PTPRT: variants seen among roughly 807,000 people sequenced by gnomAD.
PTPRT encodes receptor-type tyrosine-protein phosphatase T.
Under a neutral mutation model 176.8 loss-of-function variants are expected in PTPRT, and 56 were observed. The ratio of observed to expected loss-of-function variants is 0.32; its 90% CI spans 0.26 to 0.40. The LOEUF is 0.40. Among genes scored for constraint, PTPRT ranks in the 10% least tolerant of loss-of-function variants. PTPRT has a pLI of 1.00. For synonymous variants in PTPRT, 783 were observed against 739.0 expected, an observed-to-expected ratio of 1.06 and a Z score of -0.96; for missense variants, 1,540 against 1,908.2, an observed-to-expected ratio of 0.81 and a Z score of 3.60.
chr20:42,511,995 T>C (rs2071967289), intron 7 of PTPRT, among the ~76,000 whole-genome samples: 2 of 152,162 alleles, frequency 1.3e-5, no homozygotes, highest in African/African-American at 4.8e-5. Context: ...AAAGGTTCTA[T>C]TCCTCCCTCT....
intron 8 of PTPRT, among the ~76,000 whole-genome samples, chr20:42,464,066 C>T (rs941177996): frequency 5.9e-5 from 9 of 152,222 alleles, no homozygotes; most frequent in East Asian, 1.9e-4. Flanking sequence ...TTTGAAGCAA[C>T]GAATGTGGTA....
At chr20:42,163,376 T>C (rs1241884564) in intron 16 of PTPRT, among the ~76,000 whole-genome samples, 2 of 152,186 alleles carry the variant, frequency 1.3e-5, no homozygotes, top group African/African-American at 4.8e-5. Flanking sequence ...CCTAGGCAAG[T>C]CGTTAGCAAA....
chr20:42,044,695 C>T, the PTPRT span, among the ~76,000 whole-genome samples: 1 of 152,202 alleles, frequency 6.6e-6, no homozygotes, highest in African/African-American at 2.4e-5. Flanking sequence ...CTCACTTAAT[C>T]CTCAGAAGAA....
chr20:42,300,365 C>G (rs2145306822), intron 12 of PTPRT, among the ~76,000 whole-genome samples: 1 of 151,980 alleles, frequency 6.6e-6, no homozygotes, highest in East Asian at 1.9e-4. Context: ...ACAATGATTC[C>G]CACTCGTTCC....
chr20:42,694,710 C>T (rs1329528329), intron 6 of PTPRT, among the ~76,000 whole-genome samples: 1 of 152,174 alleles, frequency 6.6e-6, no homozygotes, highest in Non-Finnish European at 1.5e-5. Context: ...TCTTTTTAGC[C>T]ATTCTGATAA....
chr20:43,072,947 C>T (rs1230489741), intron 1 of PTPRT, among the ~76,000 whole-genome samples: 2 of 152,118 alleles, frequency 1.3e-5, no homozygotes, highest in East Asian at 3.9e-4. Flanking sequence ...CAGGTGTGGT[C>T]CTTTACCATA....
chr20:42,206,132 A>G (rs1482443378), intron 15 of PTPRT, among the ~76,000 whole-genome samples: 1 of 152,144 alleles, frequency 6.6e-6, no homozygotes, highest in Non-Finnish European at 1.5e-5. Flanking sequence ...TAGAAGGGCA[A>G]ATTCAGTCTG....
chr20:42,117,469 G>T (rs1987346434), intron 21 of PTPRT, among the ~76,000 whole-genome samples: 1 of 152,194 alleles, frequency 6.6e-6, no homozygotes, highest in South Asian at 2.1e-4. Flanking sequence ...CTAAGCCCCA[G>T]GAGTAGTTGA....
chr20:42,823,682 C>T (rs2077941884), intron 2 of PTPRT, among the ~76,000 whole-genome samples: 1 of 151,932 alleles, frequency 6.6e-6, no homozygotes, highest in South Asian at 2.1e-4. Context: ...GAAGCCACTT[C>T]TATTAAATTC....
Position 42,137,300 on chromosome 20 carries a change from G to T in PTPRT, c.2770+4615C>A, listed in dbSNP as rs146175181. ...CCCAGCTCTGTCTCCCCAGGAATCAGCAGAGAAACCTGCTGTGAAAAAAGT... is the reference window on the plus strand; with the variant it reads ...CCCAGCTCTGTCTCCCCAGGAATCATCAGAGAAACCTGCTGTGAAAAAAGT... On this transcript the variant is annotated intron_variant, in intron 18 of 30. Coordinates refer to ENST00000373187, the MANE Select transcript of PTPRT (RefSeq NM_007050.6). Among the ~76,000 whole-genome samples the T allele has an allele frequency of 1.8e-3, 278 of 152,260 alleles. 4 individuals are homozygous for T. The highest frequency in any genetic ancestry group is 0.016 in the South Asian group (76 of 4,822).
intron 22 of PTPRT, among the ~76,000 whole-genome samples, chr20:42,112,045 G>T (rs1462474884): frequency 6.6e-6 from 1 of 152,178 alleles, no homozygotes; most frequent in South Asian, 2.1e-4. Context: ...GATCCCAGAA[G>T]GCCTTGAATC....
At chr20:42,874,928 G>A (rs1338464447) in intron 2 of PTPRT, among the ~76,000 whole-genome samples, 2 of 151,902 alleles carry the variant, frequency 1.3e-5, no homozygotes, top group African/African-American at 2.4e-5. Flanking sequence ...TGCTTTCGTT[G>A]CTCAGGCTGG....
intron 2 of PTPRT, among the ~76,000 whole-genome samples, chr20:42,869,340 C>T (rs1054703309): frequency 2.0e-5 from 3 of 152,222 alleles, no homozygotes; most frequent in Non-Finnish European, 2.9e-5. Flanking sequence ...TTGTGGGGCA[C>T]GCCCAGCAAA....
chr20:42,659,286 T>A (rs1373830910), intron 7 of PTPRT, among the ~76,000 whole-genome samples: 1 of 152,202 alleles, frequency 6.6e-6, no homozygotes, highest in Non-Finnish European at 1.5e-5. Context: ...CCTGGTGCTC[T>A]CCTAGGTAAT....
chr20:42,804,532 C>T (rs1375792695), intron 2 of PTPRT, among the ~76,000 whole-genome samples: 1 of 152,328 alleles, frequency 6.6e-6, no homozygotes, highest in Non-Finnish European at 1.5e-5. Context: ...AGCTCTAGTG[C>T]TGACAACTGC....
intron 1 of PTPRT, among the ~76,000 whole-genome samples, chr20:42,935,230 C>G (rs1980114241): frequency 7.5e-6 from 1 of 133,266 alleles, no homozygotes; most frequent in African/African-American, 2.9e-5. Context: ...ACCTCATATT[C>G]CTGGGCACAA....
intron 5 of PTPRT, among the ~76,000 whole-genome samples, chr20:42,758,613 TA>T (rs202020674): frequency 2.2e-4 from 33 of 150,984 alleles, no homozygotes; most frequent in African/African-American, 8.0e-4. Flanking sequence ...TACTTGAACA[TA>T]AAAAAAAATG....
At chr20:42,830,199 A>G (rs1388451115) in intron 2 of PTPRT, among the ~76,000 whole-genome samples, 1 of 152,236 alleles carries the variant, frequency 6.6e-6, no homozygotes, top group Non-Finnish European at 1.5e-5. Flanking sequence ...AATTCTCAGC[A>G]AAATACTTGC....
At chr20:42,126,590 G>C (rs761541355) in intron 19 of PTPRT, among the ~76,000 whole-genome samples, 30 of 152,160 alleles carry the variant, frequency 2.0e-4, no homozygotes, top group Admixed American at 3.3e-4. Context: ...ACCTCCTCCA[G>C]GGAGCCTTCA....
Sources: gnomAD v4.1 joint callset for allele counts (sites outside exome capture counted in the v4.1 genomes callset) on GRCh38, gnomAD v4.1.1 for gene constraint, MANE v1.5 for transcripts, NCBI Gene and HGNC (gene_info 2026-07-23, HGNC 2026-07-21) for gene names.